DNAH17: variants seen among roughly 807,000 people sequenced by gnomAD.
The protein encoded by DNAH17 is axonemal beta dynein heavy chain 17.
A neutral mutation model predicts 485.6 loss-of-function variants in DNAH17; 376 were observed. The observed-to-expected ratio is 0.77, with a 90% CI of 0.71 to 0.84. The LOEUF is 0.84. Among genes scored for constraint, DNAH17 ranks in the 40% least tolerant of loss-of-function variants. The pLI, the probability that DNAH17 is intolerant of heterozygous loss-of-function variation, is 0.00. For synonymous variants in DNAH17, 3,031 were observed against 2,405.9 expected (o/e 1.26, Z -7.60); for missense variants, 6,370 against 5,839.3 (o/e 1.09, Z -2.96).
intron 75 of DNAH17, among the ~76,000 whole-genome samples, chr17:78,433,467 T>G (rs1426478658): frequency 2.0e-5 from 3 of 152,214 alleles, no homozygotes; most frequent in Non-Finnish European, 4.4e-5. Context: ...ACGGAGGATG[T>G]GTGGCTTTCT....
In DNAH17 at chr17:78,426,437, T is replaced by C; in HGVS notation, c.12915+20A>G. On this transcript the variant is annotated intron_variant, in intron 79 of 80. Transcript: ENST00000389840. ...CGGTCCCCGAGTCTTAGGAAGCCTC[T>C]CAGAGAAAACGGCACTTACCCTGAT... 1 of 1,577,410 alleles carries C rather than the reference T, an allele frequency of 6.3e-7. No individual in the cohort carries two copies. Among genetic ancestry groups the C allele is most frequent in the Non-Finnish European group, 8.6e-7 (1 of 1,160,070 alleles).
chr17:78,457,940 C>T (rs917298378), intron 62 of DNAH17, among the ~76,000 whole-genome samples: 23 of 152,170 alleles, frequency 1.5e-4, no homozygotes, highest in Admixed American at 5.9e-4. Context: ...GGATTACAGG[C>T]GTGAGCCACT....
At position 78,494,720 on chromosome 17, in the gene DNAH17, A is replaced by T. The variant is rs773615312; in HGVS notation, c.6143T>A (p.Met2048Lys). ...GATGTTGAAGTCTCTCAGCGCCCGC[A>T]TGAGCACCTGGTCCTCTGCCCGGCT... Reference protein sequence around the residue: ...DPSRAEDQVLMRALRDFNIPK... With the variant: ...DPSRAEDQVLKRALRDFNIPK... The change falls in exon 40 of 81, where the codon ATG becomes AAG. Residue 2048 changes from methionine to lysine, a missense_variant. Transcript: ENST00000389840. 2 of 1,613,828 alleles carry T rather than the reference A, an allele frequency of 1.2e-6. No individual in the cohort carries two copies. Among genetic ancestry groups the T allele is most frequent in the Non-Finnish European group, 1.7e-6 (2 of 1,179,868 alleles).
intron 25 of DNAH17, chr17:78,522,499 G>T: frequency 3.0e-6 from 1 of 337,050 alleles, no homozygotes; most frequent in South Asian, 2.6e-5. Flanking sequence ...GGAGAAAGGG[G>T]CCTCACGAGG....
intron 54 of DNAH17, among the ~76,000 whole-genome samples, chr17:78,473,673 AGG>A (rs1427874151): frequency 7.1e-5 from 10 of 141,312 alleles, no homozygotes; most frequent in African/African-American, 3.1e-4. Flanking sequence ...AGTACCGCTG[AGG>A]CTGAGGCTGA....
At chr17:78,484,004 G>A (rs2089467551) in intron 48 of DNAH17, among the ~76,000 whole-genome samples, 1 of 143,390 alleles carries the variant, frequency 7.0e-6, no homozygotes, top group African/African-American at 2.6e-5. Flanking sequence ...GCTGAGGAAG[G>A]AGAATTCCTT....
At chr17:78,460,311 GGGGCGTGTAC>G in intron 58 of DNAH17, 54 bp from the exon 59 acceptor site, 2 of 1,248,800 alleles carry the variant, frequency 1.6e-6, no homozygotes, top group Non-Finnish European at 2.2e-6. Context: ...TGTGCCTGTG[GGGGCGTGTAC>G]GTGCATGTGT....
intron 24 of DNAH17, among the ~76,000 whole-genome samples, 167 bp from the exon 25 acceptor site, chr17:78,525,328 T>TCC (rs2143241194): frequency 6.6e-6 from 1 of 152,144 alleles, no homozygotes; most frequent in Admixed American, 6.5e-5. Flanking sequence ...GAGCCCTCCA[T>TCC]CCCCCAAGGC....
At chr17:78,540,043 T>G (rs1224205755) in intron 17 of DNAH17, among the ~76,000 whole-genome samples, 163 bp from the exon 18 acceptor site, 3 of 152,126 alleles carry the variant, frequency 2.0e-5, no homozygotes, top group Non-Finnish European at 4.4e-5. Context: ...TACTCGAGGC[T>G]TTGCACGGCT....
chr17:78,455,721 A>G lies in DNAH17; in HGVS notation c.10093T>C (p.Tyr3365His). The G allele has an allele frequency of 6.2e-7, 1 of 1,609,016 alleles. No homozygotes were observed. Among genetic ancestry groups the G allele is most frequent in the South Asian group, 1.1e-5 (1 of 89,734 alleles). ...DVLLISAFVSYVGYFTKKYRN... is the reference protein window; with the variant it reads ...DVLLISAFVSHVGYFTKKYRN... ...TATTTCTTGGTGAAGTAGCCCACGT[A>G]GGACACGAAGGCAGAGATGAGCAGG... The change falls in exon 63 of 81, where the codon TAC becomes CAC. Residue 3365 changes from tyrosine to histidine, a missense_variant. Physicochemically the swap from Tyr to His is moderately conservative, Grantham distance 83. Transcript: ENST00000389840.
At position 78,574,990 on chromosome 17, in the gene DNAH17, T is replaced by G. The variant is rs752654814; in HGVS notation, c.68A>C (p.Lys23Thr). Residue 23 changes from lysine (K) to threonine (T), a missense_variant, in exon 2 of 81, where the codon AAG becomes ACG. Physicochemically the swap from Lys to Thr is moderately conservative, Grantham distance 78. Coordinates refer to ENST00000389840, the MANE Select transcript of DNAH17 (RefSeq NM_173628.4). ...EEVASIVLKF[K>T]PDKWSKLIGA... is the part of the protein sequence containing the mutation. ...TATCAGCTTGCTCCACTTGTCCGGC[T>G]TGAACTTCAGGACGATGGAGGCAAC... 6.2e-7 allele frequency: 1 copy of G among 1,614,020 alleles called. No individual in the cohort carries two copies. Among genetic ancestry groups the G allele is most frequent in the Non-Finnish European group, 8.5e-7 (1 of 1,179,892 alleles).
In DNAH17 at chr17:78,490,764, G is replaced by A. The variant is rs748502670; in HGVS notation, c.6753C>T (p.Ala2251=). ...CGGCTCTGGAAACGGTGGCTGGGGT[G>A]GCCGTCCTCAGGTGGCTGATTTCGA... is the stretch of plus-strand genomic sequence containing the variant. ...LVFEISHLRT[A]TPATVSRAGI... is the part of the protein sequence containing the mutation. The change falls in exon 44 of 81, where the codon GCC becomes GCT. Residue 2251 remains alanine, a synonymous_variant. Coordinates refer to ENST00000389840, the MANE Select transcript of DNAH17 (RefSeq NM_173628.4). The A allele has an allele frequency of 5.6e-6, 9 of 1,605,700 alleles. No homozygotes were observed. The Admixed American group carries it at 1.4e-4, about 24-fold the overall frequency.
At chr17:78,447,549 C>T (rs998065498) in intron 69 of DNAH17, among the ~76,000 whole-genome samples, 26 of 152,172 alleles carry the variant, frequency 1.7e-4, no homozygotes, top group Non-Finnish European at 2.8e-4. Context: ...TTTTTCAGAT[C>T]CCATAGAGAG....
At chr17:78,525,786 G>T (rs942770163) in intron 24 of DNAH17, among the ~76,000 whole-genome samples, 8 of 152,236 alleles carry the variant, frequency 5.3e-5, no homozygotes, top group African/African-American at 1.9e-4. Context: ...AGAAAATCCA[G>T]CCCGGGGCCC....
At chr17:78,483,191 T>G (rs1200788429) in intron 48 of DNAH17, among the ~76,000 whole-genome samples, 4 of 152,180 alleles carry the variant, frequency 2.6e-5, no homozygotes, top group African/African-American at 9.7e-5. Flanking sequence ...GGCAGCTTTG[T>G]CACCTCCCCC....
intron 48 of DNAH17, among the ~76,000 whole-genome samples, chr17:78,483,257 G>C (rs932450610): frequency 7.9e-5 from 12 of 152,206 alleles, no homozygotes; most frequent in Admixed American, 6.5e-4. Context: ...CCCAGAGTAG[G>C]CTTCCTATAG....
intron 7 of DNAH17, among the ~76,000 whole-genome samples, chr17:78,569,986 C>T (rs772921688): frequency 2.0e-5 from 3 of 152,202 alleles, no homozygotes; most frequent in African/African-American, 4.8e-5. Flanking sequence ...CTAGATGGGT[C>T]TCGGGGTACG....
chr17:78,536,471 G>A (rs922900702), intron 19 of DNAH17, among the ~76,000 whole-genome samples: 1 of 151,614 alleles, frequency 6.6e-6, no homozygotes, highest in Admixed American at 6.6e-5. Flanking sequence ...AAATTAAGAA[G>A]TTTAAGACCA....
At chr17:78,559,124 C>T (rs2092095843) in intron 13 of DNAH17, among the ~76,000 whole-genome samples, 1 of 152,216 alleles carries the variant, frequency 6.6e-6, no homozygotes, top group African/African-American at 2.4e-5. Context: ...CTTGACCAGC[C>T]AGCCCATTTG....
Sources: gnomAD v4.1 joint callset for allele counts (sites outside exome capture counted in the v4.1 genomes callset) on GRCh38, gnomAD v4.1.1 for gene constraint, MANE v1.5 for transcripts, NCBI Gene and HGNC (gene_info 2026-07-23, HGNC 2026-07-21) for gene names.